CRTC3: variants seen among roughly 807,000 people sequenced by gnomAD.
The protein encoded by CRTC3 is CREB regulated transcription coactivator 3, also known as CREB-regulated transcription coactivator 3.
In CRTC3, 26 loss-of-function variants were observed where a neutral mutation model predicts 74.5. The ratio of observed to expected loss-of-function variants is 0.35; its 90% CI spans 0.26 to 0.48. The LOEUF (loss-of-function observed/expected upper bound fraction) is 0.48. Among genes scored for constraint, CRTC3 ranks in the 20% least tolerant of loss-of-function variants. CRTC3 has a pLI of 0.99. For missense variants in CRTC3, 760 were observed against 787.3 expected (o/e 0.97, Z 0.41); for synonymous variants, 377 against 325.8 (o/e 1.16, Z -1.69).
At chr15:90,544,910 G>T (rs1966841836) in intron 2 of CRTC3, among the ~76,000 whole-genome samples, 1 of 152,262 alleles carries the variant, frequency 6.6e-6, no homozygotes, top group Admixed American at 6.5e-5. Flanking sequence ...GTATAGTTCA[G>T]TGGTATTACA....
intron 1 of CRTC3, among the ~76,000 whole-genome samples, chr15:90,535,775 C>A (rs1176004571): frequency 2.0e-5 from 3 of 152,182 alleles, no homozygotes; most frequent in African/African-American, 7.2e-5. Context: ...TTTTGCGAGG[C>A]ACTGTAATCC....
At position 90,603,214 on chromosome 15, in the gene CRTC3, C is replaced by G. The variant is rs1009818052; in HGVS notation, c.413+829C>G. On this transcript the variant is annotated intron_variant, in intron 4 of 14. Transcript: ENST00000268184. The stretch of plus-strand genomic sequence containing the variant: ...ATCCCAGCACTTTGGGAGGCCAAGG[C>G]GGGCAGATCACAAGCTCAGGAGATC... Among the ~76,000 whole-genome samples the G allele has an allele frequency of 4.0e-5, 6 of 151,896 alleles. No homozygotes were observed. In the East Asian group the frequency reaches 1.2e-3, roughly 30 times the overall value.
intron 6 of CRTC3, 198 bp from the exon 7 acceptor site, chr15:90,614,255 C>A: frequency 8.0e-6 from 4 of 501,234 alleles, no homozygotes; most frequent in South Asian, 3.0e-5. Context: ...AAAAAGGAAC[C>A]AAATTTAGTT....
At chr15:90,573,322 A>G (rs1394490434) in intron 2 of CRTC3, among the ~76,000 whole-genome samples, 1 of 152,074 alleles carries the variant, frequency 6.6e-6, no homozygotes, top group Non-Finnish European at 1.5e-5. Context: ...TGTATATTCC[A>G]AATATTTTCT....
chr15:90,583,642 G>A (rs1474156744), intron 2 of CRTC3, among the ~76,000 whole-genome samples: 1 of 152,080 alleles, frequency 6.6e-6, no homozygotes, highest in Non-Finnish European at 1.5e-5. Context: ...CAGGCTGCTG[G>A]GGGAAAAGCC....
In CRTC3 at chr15:90,540,027, C is replaced by T; in HGVS notation, c.133-12C>T. ...GTTACCTCTCAGCGTTCTTAAATCA[C>T]TTTGTTTCCAGGTTCAATTTCAGAA... is the stretch of plus-strand genomic sequence containing the variant. On this transcript the variant is annotated splice_polypyrimidine_tract_variant and intron_variant, in intron 1 of 14. Transcript: ENST00000268184. 6.3e-7 allele frequency: 1 copy of T among 1,593,034 alleles called. No individual in the cohort carries two copies. Among genetic ancestry groups the T allele is most frequent in the Non-Finnish European group, 8.6e-7 (1 of 1,161,080 alleles).
At chr15:90,602,218 G>C (rs1365349276) in intron 3 of CRTC3, 106 bp from the exon 4 acceptor site, 2 of 696,462 alleles carry the variant, frequency 2.9e-6, no homozygotes, top group Non-Finnish European at 5.1e-6. Context: ...TCAGGTACAG[G>C]GATAAGGAAC....
chr15:90,552,736 A>T (rs1289134614), intron 2 of CRTC3, among the ~76,000 whole-genome samples: 1 of 152,146 alleles, frequency 6.6e-6, no homozygotes, highest in Non-Finnish European at 1.5e-5. Flanking sequence ...AGCTAAGGGG[A>T]GGCATGAGGC....
chr15:90,573,000 A>T (rs11858728), intron 2 of CRTC3, among the ~76,000 whole-genome samples: 23,394 of 152,150 alleles, frequency 0.15, 3,216 homozygotes, highest in African/African-American at 0.37. Flanking sequence ...TGTAAAACAG[A>T]TCTCCAGAAC....
chr15:90,542,120 GTT>G (rs1198285716), intron 2 of CRTC3, among the ~76,000 whole-genome samples: 2 of 150,140 alleles, frequency 1.3e-5, no homozygotes, highest in Non-Finnish European at 3.0e-5. Context: ...GTTTTGTTTT[GTT>G]TTGTTTTTCT....
intron 9 of CRTC3, among the ~76,000 whole-genome samples, chr15:90,622,101 A>T (rs1968671071): frequency 6.6e-6 from 1 of 152,186 alleles, no homozygotes; most frequent in Non-Finnish European, 1.5e-5. Flanking sequence ...AGGCAGCAGG[A>T]ACAGCAAGTG....
intron 2 of CRTC3, among the ~76,000 whole-genome samples, chr15:90,545,743 AT>A (rs71154111): frequency 0.53 from 79,707 of 151,298 alleles, 21,848 homozygotes; most frequent in South Asian, 0.63. Context: ...CGCCCGGGTA[AT>A]TTTTTTTGTA....
At chr15:90,570,490 T>C (rs1290202846) in intron 2 of CRTC3, among the ~76,000 whole-genome samples, 2 of 152,188 alleles carry the variant, frequency 1.3e-5, no homozygotes, top group Non-Finnish European at 2.9e-5. Context: ...ACATCCTCAG[T>C]GAAATCCCTG....
In CRTC3 at chr15:90,604,285, G is replaced by C. The variant is rs537511581; in HGVS notation, c.414-100G>C. 942 of 851,850 alleles carry C rather than the reference G, an allele frequency of 1.1e-3. 14 individuals carry two copies. The South Asian group carries it at 0.012, about 11-fold the overall frequency. 52.8% of individuals were successfully genotyped at this position (851,850 alleles called of 1,614,324 possible). A position where few individuals can be genotyped will look rare whatever the true frequency, so the allele number is the denominator to read the frequency against. On this transcript the variant is annotated intron_variant, in intron 4 of 14. Coordinates refer to ENST00000268184, the MANE Select transcript of CRTC3 (RefSeq NM_022769.5). ...TTTTTAAGTAACTCTTGCAGAGCGA[G>C]GTGAGTAGAAGAGCCAGTTCTCAAA...
intron 7 of CRTC3, among the ~76,000 whole-genome samples, chr15:90,615,420 C>G (rs1432034444): frequency 6.6e-6 from 1 of 152,172 alleles, no homozygotes; most frequent in Non-Finnish European, 1.5e-5. Context: ...TTATATGTCA[C>G]AGAGGTGAGA....
chr15:90,583,248 A>G (rs1567173484), intron 2 of CRTC3, among the ~76,000 whole-genome samples: 2 of 152,138 alleles, frequency 1.3e-5, no homozygotes, highest in Non-Finnish European at 2.9e-5. Context: ...AAACTGTTTT[A>G]TCTCTATCAT....
chr15:90,633,344 T>C (rs1166917158), intron 11 of CRTC3, among the ~76,000 whole-genome samples: 1 of 152,170 alleles, frequency 6.6e-6, no homozygotes, highest in Non-Finnish European at 1.5e-5. Flanking sequence ...TAGCAAAGAG[T>C]GCCTGTGACT....
At position 90,621,169 on chromosome 15, in the gene CRTC3, AAAACAAAAAC is replaced by A. The variant is rs562963173; in HGVS notation, c.749+1383_749+1392del. Among the ~76,000 whole-genome samples, 95 of 18,836 alleles carry A rather than the reference AAAACAAAAAC, an allele frequency of 5.0e-3. 2 individuals carry two copies. In the East Asian group the frequency reaches 0.1, roughly 20 times the overall value. The allele number at this position is 18,836 out of a possible 152,430, so 12.4% of individuals were successfully genotyped here. A position where few individuals can be genotyped will look rare whatever the true frequency, so the allele number is the denominator to read the frequency against. ...CTGGTAAAATGGAAATTTGGAAACA[AAAACAAAAAC>A]AAAAACAAACATTTTCCTCAAGAAT... On this transcript the variant is annotated intron_variant, in intron 9 of 14. Transcript: ENST00000268184.
intron 4 of CRTC3, among the ~76,000 whole-genome samples, chr15:90,602,607 G>A (rs556019612): frequency 6.6e-6 from 1 of 151,934 alleles, no homozygotes; most frequent in South Asian, 2.1e-4. Context: ...ACTCCAGCCT[G>A]GGCAGCATAG....
Sources: allele counts gnomAD v4.1 joint callset (sites outside exome capture counted in the v4.1 genomes callset), GRCh38; gene constraint gnomAD v4.1.1; transcripts MANE v1.5; gene names NCBI Gene and HGNC (gene_info 2026-07-23, HGNC 2026-07-21).